The following FGD4 variants were observed in gnomAD, a reference collection of about 807,000 sequenced individuals.
The protein encoded by FGD4 is FYVE, RhoGEF and PH domain containing 4, also known as FYVE, RhoGEF and PH domain-containing protein 4.
In FGD4, 42 loss-of-function variants were observed where a neutral mutation model predicts 102.0. The ratio of observed to expected loss-of-function variants is 0.41; its 90% CI spans 0.32 to 0.53. The LOEUF is 0.53. Among genes scored for constraint, FGD4 ranks in the 20% least tolerant of loss-of-function variants. FGD4 has a pLI of 0.21. For missense variants in FGD4, 902 were observed against 1,078.2 expected, an observed-to-expected ratio of 0.84 and a Z score of 2.29; for synonymous variants, 380 against 375.7, an observed-to-expected ratio of 1.01 and a Z score of -0.13.
chr12:32,459,005 CA>C (rs1943024919), intron 1 of FGD4, among the ~76,000 whole-genome samples: 1 of 152,098 alleles, frequency 6.6e-6, no homozygotes, highest in Admixed American at 6.6e-5. Context: ...ATCCTTTCCT[CA>C]TGTAACTGGC....
At chr12:32,632,994 C>A (rs1345093102) in intron 14 of FGD4, among the ~76,000 whole-genome samples, 1 of 151,180 alleles carries the variant, frequency 6.6e-6, no homozygotes, top group African/African-American at 2.5e-5. Flanking sequence ...AGAAAAGAAG[C>A]CAAACTAAAA....
At chr12:32,405,385 G>A (rs1386433196) in intron 1 of FGD4, among the ~76,000 whole-genome samples, 1 of 149,704 alleles carries the variant, frequency 6.7e-6, no homozygotes, top group South Asian at 2.2e-4. Context: ...TCAGCCTCCC[G>A]AGTAGCTGGG....
chr12:32,639,926 A>T (rs1951068018), intron 16 of FGD4, among the ~76,000 whole-genome samples: 1 of 152,204 alleles, frequency 6.6e-6, no homozygotes, highest in Non-Finnish European at 1.5e-5. Flanking sequence ...AACTGCCTTT[A>T]GTAATGAGAT....
At position 32,621,017 on chromosome 12, in the gene FGD4, C is replaced by T. The variant is rs529014202; in HGVS notation, c.1922+1147C>T. 3.3e-5 allele frequency among the ~76,000 whole-genome samples: 5 copies of T among 152,162 alleles called. No individual in the cohort carries two copies. In the East Asian group the frequency reaches 9.7e-4, roughly 30 times the overall value. ...TGAGAACGACTGCAGTTGATCATAG[C>T]TACCTCACGCATGAACCCCTGGAAT... On this transcript the variant is annotated intron_variant, in intron 11 of 16. Coordinates refer to ENST00000534526, the MANE Select transcript of FGD4 (RefSeq NM_001370298.3).
rs530075566 is a variant in FGD4, at chr12:32,420,213, G to A, written c.166+20254G>A. Among the ~76,000 whole-genome samples, 15 of 152,200 alleles carry A rather than the reference G, an allele frequency of 9.9e-5. No individual in the cohort carries two copies. The South Asian group carries it at 3.1e-3, about 32-fold the overall frequency. ...TCAGCATGCCAAAGTGCCGTATTTT[G>A]GGGTATTGTTTTCATGCCCTAACAG... On this transcript the variant is annotated intron_variant, in intron 1 of 16. Coordinates refer to ENST00000534526, the MANE Select transcript of FGD4 (RefSeq NM_001370298.3).
intron 1 of FGD4, among the ~76,000 whole-genome samples, chr12:32,485,680 G>A (rs1237127599): frequency 6.6e-6 from 1 of 151,740 alleles, no homozygotes; most frequent in African/African-American, 2.4e-5. Flanking sequence ...TCTTGACCTC[G>A]TGACCCACCC....
intron 1 of FGD4, among the ~76,000 whole-genome samples, chr12:32,419,564 T>C (rs1941552493): frequency 6.6e-6 from 1 of 152,178 alleles, no homozygotes; most frequent in Non-Finnish European, 1.5e-5. Flanking sequence ...TTAGTCACCC[T>C]GGCTGGTGTC....
intron 2 of FGD4, 78 bp from the exon 3 acceptor site, chr12:32,576,188 T>G (rs1946113774): frequency 7.1e-7 from 1 of 1,408,362 alleles, no homozygotes; most frequent in South Asian, 1.3e-5. Flanking sequence ...TGAATATTTT[T>G]GCACCCAGGA....
chr12:32,485,868 T>C, intron 1 of FGD4: 1 of 1,239,598 alleles, frequency 8.1e-7, no homozygotes, highest in Non-Finnish European at 1.0e-6. Flanking sequence ...CAGTACATTT[T>C]GAAACACCTT....
chr12:32,402,556 C>T (rs1418834627), intron 1 of FGD4, among the ~76,000 whole-genome samples: 2 of 151,898 alleles, frequency 1.3e-5, no homozygotes, highest in African/African-American at 4.8e-5. Context: ...CAAAGCTATC[C>T]TTCTGCCTCA....
intron 1 of FGD4, among the ~76,000 whole-genome samples, chr12:32,439,234 G>A (rs1802693358): frequency 6.6e-6 from 1 of 152,098 alleles, no homozygotes; most frequent in Admixed American, 6.5e-5. Flanking sequence ...TTGTCATTTT[G>A]TGTCTGGCTT....
chr12:32,420,544 A>G (rs1941591195), intron 1 of FGD4, among the ~76,000 whole-genome samples: 2 of 152,316 alleles, frequency 1.3e-5, no homozygotes, highest in South Asian at 2.1e-4. Context: ...AGTTTTCTGC[A>G]TGAAGCCTGG....
chr12:32,622,606 T>C (rs753977831), intron 11 of FGD4, among the ~76,000 whole-genome samples: 3 of 152,238 alleles, frequency 2.0e-5, no homozygotes, highest in Non-Finnish European at 4.4e-5. Flanking sequence ...TCATGCTCTT[T>C]TTTGAGGCAG....
intron 1 of FGD4, among the ~76,000 whole-genome samples, chr12:32,526,943 AC>A (rs1941301341): frequency 6.6e-6 from 1 of 152,226 alleles, no homozygotes; most frequent in Admixed American, 6.5e-5. Context: ...GCATGAATAT[AC>A]TTTAAATTTA....
At chr12:32,603,161 T>G (rs1214508137) in intron 7 of FGD4, among the ~76,000 whole-genome samples, 1 of 152,206 alleles carries the variant, frequency 6.6e-6, no homozygotes, top group Non-Finnish European at 1.5e-5. Flanking sequence ...AATACAGTGC[T>G]ACAATTGTTA....
rs1380826351 is a variant in FGD4, at chr12:32,506,128, G to A, written c.167-58009G>A. Among the ~76,000 whole-genome samples the A allele has an allele frequency of 1.3e-5, 2 of 152,188 alleles. No homozygotes were observed. Among genetic ancestry groups the A allele is most frequent in the Admixed American group, 6.5e-5 (1 of 15,276 alleles). On this transcript the variant is annotated intron_variant, in intron 1 of 16. Coordinates refer to ENST00000534526, the MANE Select transcript of FGD4 (RefSeq NM_001370298.3). This position sits in a 1 kb window ranked among gnomAD's most constrained non-coding sequence, Gnocchi z 4.5. ...GGCATTGCATGTTGAATGCAAACAC[G>A]TAGGGCAAGATCAGCTTAACATCCT...
In FGD4 at chr12:32,526,647, C is replaced by G. The variant is rs577204303; in HGVS notation, c.167-37490C>G. On this transcript the variant is annotated intron_variant, in intron 1 of 16. Coordinates refer to ENST00000534526, the MANE Select transcript of FGD4 (RefSeq NM_001370298.3). ...GGCAACCTGCTCAGGTCCCCTTCCACACTGTGGGAGCTTTGTTCTTTCGCT... is the reference window on the plus strand; with the variant it reads ...GGCAACCTGCTCAGGTCCCCTTCCAGACTGTGGGAGCTTTGTTCTTTCGCT... Among the ~76,000 whole-genome samples the G allele has an allele frequency of 2.1e-3, 325 of 152,336 alleles. 1 individual carries two copies. The highest frequency in any genetic ancestry group is 7.6e-3 in the African/African-American group (314 of 41,582).
intron 1 of FGD4, among the ~76,000 whole-genome samples, chr12:32,463,436 T>C (rs1031478726): frequency 6.6e-6 from 1 of 152,268 alleles, no homozygotes; most frequent in Non-Finnish European, 1.5e-5. Context: ...GGTTACAGTA[T>C]AATGCAATAA....
chr12:32,518,843 GGCA>G (rs1940187933), intron 1 of FGD4, among the ~76,000 whole-genome samples: 1 of 151,014 alleles, frequency 6.6e-6, no homozygotes, highest in Admixed American at 6.6e-5. Flanking sequence ...GGCCAGGCAC[GGCA>G]GCTCACGCCT....
Sources: gnomAD v4.1 joint callset for allele counts (sites outside exome capture counted in the v4.1 genomes callset) on GRCh38, gnomAD v4.1.1 for gene constraint, Gnocchi (gnomAD v3.1) non-coding constraint, MANE v1.5 for transcripts, NCBI Gene and HGNC (gene_info 2026-07-23, HGNC 2026-07-21) for gene names.